KNTC1: variants seen among roughly 807,000 people sequenced by gnomAD.
The protein encoded by KNTC1 is kinetochore-associated protein 1.
A neutral mutation model predicts 314.4 loss-of-function variants in KNTC1; 253 were observed. The observed-to-expected ratio is 0.80, with a 90% confidence interval of 0.73 to 0.89. The LOEUF (loss-of-function observed/expected upper bound fraction) is 0.89, where lower values mean the gene tolerates loss of function less well. Ranked by LOEUF, KNTC1 falls within the 40% of genes least tolerant of loss-of-function variation. The pLI, the probability that KNTC1 is intolerant of heterozygous loss-of-function variation, is 0.00. For synonymous variants in KNTC1, 901 were observed against 901.4 expected (o/e 1.00, Z 0.01); for missense variants, 2,475 against 2,572.9 (o/e 0.96, Z 0.82).
chr12:122,603,602 C>T (rs529504183), intron 48 of KNTC1, among the ~76,000 whole-genome samples: 4 of 152,150 alleles, frequency 2.6e-5, no homozygotes, highest in South Asian at 4.1e-4. Flanking sequence ...AAGTGATTCT[C>T]CTGCCTCAGT....
At chr12:122,539,539 A>G (rs763039843) in intron 4 of KNTC1, 137 bp from the exon 5 acceptor site, 150 of 601,318 alleles carry the variant, frequency 2.5e-4, no homozygotes, top group Non-Finnish European at 3.7e-4. Context: ...ATAGTTTTCC[A>G]TTTTAAAAGT....
intron 43 of KNTC1, among the ~76,000 whole-genome samples, chr12:122,595,687 C>T (rs1204294942): frequency 6.6e-6 from 1 of 152,194 alleles, no homozygotes; most frequent in Non-Finnish European, 1.5e-5. Context: ...TGTCATTCTT[C>T]AGTTTAGAGT....
chr12:122,615,735 C>CA (rs1873697181), intron 57 of KNTC1, among the ~76,000 whole-genome samples: 1 of 151,762 alleles, frequency 6.6e-6, no homozygotes, highest in Non-Finnish European at 1.5e-5. Context: ...TGCAGTGAGC[C>CA]GTGATTGCAC....
chr12:122,587,752 C>T lies in KNTC1; in HGVS notation c.3772C>T (p.Leu1258=). Reference sequence around the variant, plus strand: ...ACCTGTTATAAATTCCATCTCTGCCCTGCTTCAGAATCTTCAGGAATCTAG... The same window carrying T: ...ACCTGTTATAAATTCCATCTCTGCCTTGCTTCAGAATCTTCAGGAATCTAG... ...VLPVINSISA[L]LQNLQESSQW... is the part of the protein sequence containing the mutation. Residue 1258 remains leucine (L), a synonymous_variant, in exon 39 of 64, where the codon CTG becomes TTG. Transcript: ENST00000333479. 6.2e-7 allele frequency: 1 copy of T among 1,613,764 alleles called. No individual in the cohort carries two copies.
chr12:122,602,908 A>G (rs753396045), intron 47 of KNTC1, 21 bp downstream of exon 47: 26 of 1,578,984 alleles, frequency 1.6e-5, no homozygotes, highest in Non-Finnish European at 1.7e-6. Flanking sequence ...AAAACATTGT[A>G]AGACATTTCT....
chr12:122,578,094 T>C (rs1413691253), intron 31 of KNTC1, among the ~76,000 whole-genome samples: 1 of 152,224 alleles, frequency 6.6e-6, no homozygotes, highest in African/African-American at 2.4e-5. Context: ...TTTTGTGTTA[T>C]ATAGGACATA....
intron 2 of KNTC1, among the ~76,000 whole-genome samples, chr12:122,532,669 A>G (rs1375220670): frequency 6.6e-6 from 1 of 152,170 alleles, no homozygotes; most frequent in African/African-American, 2.4e-5. Context: ...TACACTTACC[A>G]ACATGTTTTG....
At chr12:122,602,772 C>T (rs757736345) in intron 46 of KNTC1, 32 bp downstream of exon 46, 4 of 1,611,328 alleles carry the variant, frequency 2.5e-6, no homozygotes, top group African/African-American at 1.3e-5. Flanking sequence ...ATGAATTTTA[C>T]TGGATAGCCA....
Position 122,557,457 on chromosome 12 carries a change from C to T in KNTC1, c.1346C>T (p.Thr449Ile). 6.2e-7 allele frequency: 1 copy of T among 1,613,698 alleles called. No individual in the cohort carries two copies. Among genetic ancestry groups the T allele is most frequent in the Non-Finnish European group, 8.5e-7 (1 of 1,179,698 alleles). Residue 449 changes from threonine to isoleucine, a missense_variant, in exon 17 of 64, where the codon ACC becomes ATC. By Grantham distance (89) the Thr-to-Ile change is moderately conservative. Coordinates refer to ENST00000333479, the MANE Select transcript of KNTC1 (RefSeq NM_014708.6). ...AGTTCTGTGGATGCCAGTGAACAGA[C>T]CGAATGGCAACAACTTGTAGACGAC... ...ALSSVDASEQ[T>I]EWQQLVDDAK...
chr12:122,540,285 GCCTCAGCCTC>G (rs1962201812), intron 5 of KNTC1, among the ~76,000 whole-genome samples: 1 of 149,774 alleles, frequency 6.7e-6, no homozygotes, highest in Admixed American at 6.7e-5. Context: ...CGATTCTCCT[GCCTCAGCCTC>G]CCGAGTAGCT....
chr12:122,624,922 G>C (rs932601358), intron 63 of KNTC1, among the ~76,000 whole-genome samples: 5 of 152,238 alleles, frequency 3.3e-5, no homozygotes, highest in Non-Finnish European at 7.3e-5. Context: ...TTAGTCTTCA[G>C]ATCTGGACCC....
At chr12:122,592,415 G>A (rs2138054272) in intron 42 of KNTC1, among the ~76,000 whole-genome samples, 1 of 152,352 alleles carries the variant, frequency 6.6e-6, no homozygotes, top group East Asian at 1.9e-4. Flanking sequence ...GTGAGCGCAC[G>A]GCACGGGACT....
Position 122,553,668 on chromosome 12 carries a change from CAG to C in KNTC1, c.1272+1977_1272+1978del, listed in dbSNP as rs1963350221. Among the ~76,000 whole-genome samples, 4 of 151,920 alleles carry C rather than the reference CAG, an allele frequency of 2.6e-5. No homozygotes were observed. In the South Asian group the frequency reaches 8.3e-4, roughly 32 times the overall value. On this transcript the variant is annotated intron_variant, in intron 16 of 63. Coordinates refer to ENST00000333479, the MANE Select transcript of KNTC1 (RefSeq NM_014708.6). Reference sequence around the variant, plus strand: ...ATGGCTCAGATGACTCCAGCAAATGCAGAGAGTGAAAAGACATCTGAGGATGT... The same window carrying C: ...ATGGCTCAGATGACTCCAGCAAATGCAGAGTGAAAAGACATCTGAGGATGT...
chr12:122,558,125 C>T (rs1306188918), intron 18 of KNTC1, among the ~76,000 whole-genome samples: 1 of 151,852 alleles, frequency 6.6e-6, no homozygotes, highest in African/African-American at 2.4e-5. Flanking sequence ...TGGCACGTGC[C>T]TGTAGTTCCA....
Position 122,568,322 on chromosome 12 carries a change from C to G in KNTC1, c.1666C>G (p.Leu556Val). The G allele has an allele frequency of 6.2e-7, 1 of 1,600,782 alleles. No homozygotes were observed. The highest frequency in any genetic ancestry group is 8.6e-7 in the Non-Finnish European group (1 of 1,169,372). ...EDDLKDIFLQ[L>V]KEGNLVCAQY... ...TGATCTTAAAGATATTTTTTTACAG[C>G]TAAAAGAAGGAAACCTTGTTTGTGC... The change falls in exon 21 of 64, where the codon CTA becomes GTA. Residue 556 changes from leucine (L) to valine (V), a missense_variant. By Grantham distance (32) the Leu-to-Val change is conservative. Coordinates refer to ENST00000333479, the MANE Select transcript of KNTC1 (RefSeq NM_014708.6).
chr12:122,609,569 A>G (rs1449977523), intron 52 of KNTC1, 139 bp downstream of exon 52: 2 of 587,440 alleles, frequency 3.4e-6, no homozygotes, highest in Admixed American at 7.1e-5. Flanking sequence ...GAATCAGTTC[A>G]CTAATACGTG....
rs570065993 is a variant in KNTC1 at position 122,551,798 on chromosome 12, T to C, written c.1272+102T>C. On this transcript the variant is annotated intron_variant, in intron 16 of 63. Transcript: ENST00000333479. ...ATATATAATTGGAATTTAGTGTGAT[T>C]AAGGCTGTAATTAAGATATGACTGA... The C allele has an allele frequency of 9.2e-5, 78 of 845,854 alleles. No homozygotes were observed. In the African/African-American group the frequency reaches 1.2e-3, roughly 13 times the overall value. 52.4% of individuals were successfully genotyped at this position (845,854 alleles called of 1,614,324 possible).
At chr12:122,595,087 G>A (rs547713345) in intron 43 of KNTC1, among the ~76,000 whole-genome samples, 1 of 152,296 alleles carries the variant, frequency 6.6e-6, no homozygotes, top group African/African-American at 2.4e-5. Flanking sequence ...TGTTGGCCAG[G>A]CTGGTCCCGA....
At chr12:122,604,707 C>A in intron 49 of KNTC1, 70 bp downstream of exon 49, 1 of 1,276,260 alleles carries the variant, frequency 7.8e-7, no homozygotes, top group Non-Finnish European at 1.1e-6. Flanking sequence ...AATTTACCTT[C>A]TCATGCTGCC....
Sources: gnomAD v4.1 joint callset for allele counts (sites outside exome capture counted in the v4.1 genomes callset) on GRCh38, gnomAD v4.1.1 for gene constraint, MANE v1.5 for transcripts, NCBI Gene and HGNC (gene_info 2026-07-23, HGNC 2026-07-21) for gene names.